LCLAT1: variants seen among roughly 807,000 people sequenced by gnomAD.
LCLAT1 encodes lysocardiolipin acyltransferase 1.
LCLAT1 carries 11 observed loss-of-function variants against 30.7 expected under a neutral mutation model. That is an observed-to-expected ratio of 0.36 (90% confidence interval 0.23 to 0.59). LCLAT1 has a LOEUF of 0.59. Ranked by LOEUF, LCLAT1 falls within the 20% of genes least tolerant of loss-of-function variation. LCLAT1 has a pLI of 0.77. For synonymous variants in LCLAT1, 155 were observed against 151.3 expected (o/e 1.02, Z -0.18); for missense variants, 402 against 458.6 (o/e 0.88, Z 1.13).
At chr2:30,603,829 A>C (rs904303635) in intron 5 of LCLAT1, among the ~76,000 whole-genome samples, 48 of 152,160 alleles carry the variant, frequency 3.2e-4, no homozygotes, top group African/African-American at 1.2e-3. Context: ...AGATCATCTG[A>C]CATATTTGAA....
At chr2:30,612,913 C>T (rs1453288524) in intron 5 of LCLAT1, among the ~76,000 whole-genome samples, 1 of 151,964 alleles carries the variant, frequency 6.6e-6, no homozygotes, top group Non-Finnish European at 1.5e-5. Context: ...ATAAAATAAA[C>T]AAAAATTTAG....
At chr2:30,467,183 C>T (rs13417731) in intron 1 of LCLAT1, among the ~76,000 whole-genome samples, 19,200 of 151,826 alleles carry the variant, frequency 0.13, 1,338 homozygotes, top group South Asian at 0.23. Flanking sequence ...AGTGAGAATA[C>T]GTGGTATTTG....
intron 1 of LCLAT1, among the ~76,000 whole-genome samples, chr2:30,474,889 C>G (rs1682973036): frequency 6.6e-6 from 1 of 151,590 alleles, no homozygotes; most frequent in Non-Finnish European, 1.5e-5. Flanking sequence ...TAGGCTCAAG[C>G]AATTCTCCCA....
intron 5 of LCLAT1, among the ~76,000 whole-genome samples, chr2:30,626,936 G>A (rs1053769613): frequency 6.6e-6 from 1 of 151,954 alleles, no homozygotes; most frequent in African/African-American, 2.4e-5. Context: ...ATGGAATCTT[G>A]ATGTGAGAAT....
chr2:30,601,863 A>C (rs978266207), intron 5 of LCLAT1, among the ~76,000 whole-genome samples: 1 of 137,846 alleles, frequency 7.3e-6, no homozygotes, highest in Non-Finnish European at 1.7e-5. Context: ...CAAGGATCCT[A>C]TAGATATCTA....
In LCLAT1 at chr2:30,515,592, T is replaced by C. The variant is rs568335531; in HGVS notation, c.-4-9995T>C. Among the ~76,000 whole-genome samples the C allele has an allele frequency of 3.9e-5, 6 of 152,334 alleles. No homozygotes were observed. In the South Asian group the frequency reaches 1.2e-3, roughly 32 times the overall value. On this transcript the variant is annotated intron_variant, in intron 1 of 5. Transcript: ENST00000379509. Reference sequence around the variant, plus strand: ...AAAGTGGTCATTTGGAAAAACTTGTTAGGTTACACTTGAAGTAGGCATAGT... The same window carrying C: ...AAAGTGGTCATTTGGAAAAACTTGTCAGGTTACACTTGAAGTAGGCATAGT...
At chr2:30,499,379 G>A (rs930918602) in intron 1 of LCLAT1, among the ~76,000 whole-genome samples, 2 of 151,988 alleles carry the variant, frequency 1.3e-5, no homozygotes, top group Non-Finnish European at 2.9e-5. Context: ...ACAGGGTTTC[G>A]CCATGTTGGC....
At chr2:30,637,194 G>A (rs1669078163) in intron 5 of LCLAT1, among the ~76,000 whole-genome samples, 1 of 152,196 alleles carries the variant, frequency 6.6e-6, no homozygotes, top group Non-Finnish European at 1.5e-5. Flanking sequence ...TATGGTTGTG[G>A]TTGGCGGGCA....
At chr2:30,503,194 C>T (rs1338970752) in intron 1 of LCLAT1, among the ~76,000 whole-genome samples, 1 of 152,144 alleles carries the variant, frequency 6.6e-6, no homozygotes, top group Non-Finnish European at 1.5e-5. Context: ...TGCTAATGGA[C>T]AATGGGGGCA....
intron 1 of LCLAT1, among the ~76,000 whole-genome samples, chr2:30,520,052 G>A (rs917206340): frequency 1.3e-5 from 2 of 152,148 alleles, no homozygotes; most frequent in African/African-American, 2.4e-5. Context: ...TGTCCTACTC[G>A]AGCTGAACAC....
intron 3 of LCLAT1, among the ~76,000 whole-genome samples, chr2:30,561,735 C>T (rs560467023): frequency 1.3e-4 from 20 of 152,230 alleles, no homozygotes; most frequent in Non-Finnish European, 2.5e-4. Context: ...ATATACTTGA[C>T]GACAGTCTTT....
chr2:30,640,603 C>A lies in LCLAT1; in HGVS notation c.1115C>A (p.Ser372Ter). Residue 372 changes from serine to a stop codon, truncating the protein, a stop_gained, in exon 6 of 6, where the codon TCA (serine) becomes TAA (stop). Transcript: ENST00000379509. LOFTEE classifies it high-confidence loss of function. ...TTACACAAACAGCCACATTTAAATT[C>A]AAAGAAAAATGAGTAAGATTATAAG... ...RLLHKQPHLN[S>*]KKNE 6.2e-7 allele frequency: 1 copy of A among 1,600,060 alleles called. No individual in the cohort carries two copies. The highest frequency in any genetic ancestry group is 8.5e-7 in the Non-Finnish European group (1 of 1,174,994).
intron 3 of LCLAT1, among the ~76,000 whole-genome samples, chr2:30,546,395 A>T (rs1225311930): frequency 6.6e-6 from 1 of 152,128 alleles, no homozygotes; most frequent in Admixed American, 6.6e-5. Flanking sequence ...CTTTTTAGAG[A>T]TCATGAATAA....
chr2:30,463,491 G>A (rs1682271166), intron 1 of LCLAT1, among the ~76,000 whole-genome samples: 2 of 152,102 alleles, frequency 1.3e-5, no homozygotes, highest in African/African-American at 4.8e-5. Flanking sequence ...TGTATAGTCA[G>A]CCCCTCTGTA....
intron 3 of LCLAT1, among the ~76,000 whole-genome samples, chr2:30,543,357 T>C (rs1343303386): frequency 6.6e-6 from 1 of 152,308 alleles, no homozygotes; most frequent in Admixed American, 6.5e-5. Context: ...AATATGCTAA[T>C]AGCTTTAAAG....
rs115448991 is a variant in LCLAT1, at chr2:30,473,526, C to T, written c.-5+26143C>T. Among the ~76,000 whole-genome samples, 1,023 of 152,140 alleles carry T rather than the reference C, an allele frequency of 6.7e-3. 10 individuals carry two copies. Among genetic ancestry groups the T allele is most frequent in the African/African-American group, 0.023 (962 of 41,514 alleles). On this transcript the variant is annotated intron_variant, in intron 1 of 5. Coordinates refer to ENST00000379509, the MANE Select transcript of LCLAT1 (RefSeq NM_001002257.3). ...TATTTATTCTATAATTCCTTATAAT[C>T]GTGATAATTTATGAACCTAAACAAA...
chr2:30,458,060 G>A (rs185054173), intron 1 of LCLAT1, among the ~76,000 whole-genome samples: 39 of 152,036 alleles, frequency 2.6e-4, no homozygotes, highest in African/African-American at 8.4e-4. Flanking sequence ...AAAAAAAGAG[G>A]CAACTTTTCA....
At chr2:30,494,943 A>G (rs1368249412) in intron 1 of LCLAT1, among the ~76,000 whole-genome samples, 3 of 148,426 alleles carry the variant, frequency 2.0e-5, no homozygotes, top group Non-Finnish European at 3.0e-5. Context: ...TAACCATTTC[A>G]TGAAGTGTGA....
chr2:30,636,793 C>G (rs1265711619), intron 5 of LCLAT1, among the ~76,000 whole-genome samples: 1 of 152,142 alleles, frequency 6.6e-6, no homozygotes, highest in Non-Finnish European at 1.5e-5. Flanking sequence ...GTATTTGATC[C>G]GTAAGCATTA....
Sources: allele counts gnomAD v4.1 joint callset (sites outside exome capture counted in the v4.1 genomes callset), GRCh38; gene constraint gnomAD v4.1.1; transcripts MANE v1.5; gene names NCBI Gene and HGNC (gene_info 2026-07-23, HGNC 2026-07-21).